Variants in MZT2B observed in about 807,000 individuals in gnomAD.
MZT2B encodes the protein mitotic spindle organizing protein 2B, also known as mitotic-spindle organizing protein 2B.
In MZT2B, 11 loss-of-function variants were observed where a neutral mutation model predicts 12.1. The ratio of observed to expected loss-of-function variants is 0.91; its 90% CI spans 0.57 to 1.50. The LOEUF (loss-of-function observed/expected upper bound fraction) is 1.50, where lower values mean the gene tolerates loss of function less well. Ranked by LOEUF, MZT2B falls within the 40% of genes most tolerant of loss-of-function variation. The pLI, the probability that MZT2B is intolerant of heterozygous loss-of-function variation, is 0.00. For missense variants in MZT2B, 209 were observed against 227.7 expected, an observed-to-expected ratio of 0.92 and a Z score of 0.53; for synonymous variants, 85 against 109.5, an observed-to-expected ratio of 0.78 and a Z score of 1.40.
chr2:130,202,205 T>TA, the MZT2B span: 565 of 876,628 alleles, frequency 6.4e-4, no homozygotes, highest in South Asian at 7.4e-4. Context: ...TATACAGCAC[T>TA]AAAAAAAACA....
the MZT2B span, among the ~76,000 whole-genome samples, chr2:130,195,834 G>A: frequency 6.6e-5 from 10 of 152,266 alleles, no homozygotes; most frequent in Non-Finnish European, 1.2e-4. Context: ...GCATTCGGGA[G>A]GGAACCAATG....
intron 2 of MZT2B, among the ~76,000 whole-genome samples, chr2:130,188,833 GTC>G (rs1011829569): frequency 2.0e-5 from 3 of 151,764 alleles, no homozygotes; most frequent in Non-Finnish European, 2.9e-5. Context: ...AGACACAGGA[GTC>G]TCTGCTTGTT....
At chr2:130,186,494 A>G (rs1474325643) in intron 2 of MZT2B, among the ~76,000 whole-genome samples, 1 of 152,238 alleles carries the variant, frequency 6.6e-6, no homozygotes, top group Admixed American at 6.5e-5. Context: ...TGTCCAGAGC[A>G]TGCATGTAAG....
intron 2 of MZT2B, among the ~76,000 whole-genome samples, chr2:130,185,259 C>T (rs185861467): frequency 5.7e-4 from 84 of 147,202 alleles, no homozygotes; most frequent in Non-Finnish European, 1.0e-3. Context: ...TACAGTGAGC[C>T]GAGATCACAC....
the MZT2B span, among the ~76,000 whole-genome samples, chr2:130,197,387 T>C: frequency 3.2e-3 from 286 of 90,330 alleles, no homozygotes; most frequent in Admixed American, 4.7e-3. Flanking sequence ...CTCGGAAGGC[T>C]GAGGCGGGAG....
chr2:130,194,346 T>G (rs1342194867), downstream of MZT2B: 13 of 1,613,156 alleles, frequency 8.1e-6, no homozygotes, highest in Non-Finnish European at 1.1e-5. Context: ...AACTCTAGCT[T>G]GGACTTCTTG....
At chr2:130,194,376 G>C, downstream of MZT2B, 1 of 1,607,498 alleles carries the variant, frequency 6.2e-7, no homozygotes, top group Non-Finnish European at 8.5e-7. Flanking sequence ...ACTGAGAGCC[G>C]CTCCATGAGC....
chr2:130,193,924 G>C (rs142136975), downstream of MZT2B: 2 of 1,614,246 alleles, frequency 1.2e-6, no homozygotes, highest in South Asian at 2.2e-5. Flanking sequence ...CATGGCGAGG[G>C]TCACACTTGA....
chr2:130,190,668 C>G lies in MZT2B; in HGVS notation c.*42C>G. On this transcript the variant is annotated 3_prime_UTR_variant, in exon 3 of 3. Transcript: ENST00000281871. ...GTTGCATCTTTGTCCCCAGCAAAGG[C>G]TACATGTTACCTCCTTCAATTGATA... 6.4e-7 allele frequency: 1 copy of G among 1,574,254 alleles called. No individual in the cohort carries two copies. Among genetic ancestry groups the G allele is most frequent in the Non-Finnish European group, 8.7e-7 (1 of 1,153,328 alleles).
chr2:130,197,038 C>T, the MZT2B span, among the ~76,000 whole-genome samples: 1 of 152,188 alleles, frequency 6.6e-6, no homozygotes, highest in Non-Finnish European at 1.5e-5. Context: ...ACCTGAATCC[C>T]TCTCAAGGCT....
downstream of MZT2B, among the ~76,000 whole-genome samples, chr2:130,191,194 T>C (rs1690249157): frequency 1.3e-5 from 2 of 152,224 alleles, no homozygotes; most frequent in South Asian, 4.2e-4. Flanking sequence ...CATGGGAGGT[T>C]TTCTACCAAG....
At chr2:130,194,052 G>A (rs76767502), downstream of MZT2B, 227 of 1,614,186 alleles carry the variant, frequency 1.4e-4, no homozygotes, top group South Asian at 2.5e-4. Context: ...AAGTGGATGC[G>A]GGGGTACGGC....
At chr2:130,184,199 C>G in intron 2 of MZT2B, 1 of 1,434,418 alleles carries the variant, frequency 7.0e-7, no homozygotes. Context: ...GACCAACACC[C>G]CCACACCCCA....
chr2:130,184,053 TG>T, intron 2 of MZT2B: 1 of 1,550,234 alleles, frequency 6.5e-7, no homozygotes, highest in Non-Finnish European at 8.7e-7. Context: ...CAAGCAGCTT[TG>T]AGCTCCAAGG....
At chr2:130,194,511 A>G (rs755915711), downstream of MZT2B, 3 of 1,509,822 alleles carry the variant, frequency 2.0e-6, no homozygotes, top group African/African-American at 2.8e-5. Flanking sequence ...TGGAAGCCAC[A>G]CCACCAACCT....
downstream of MZT2B, among the ~76,000 whole-genome samples, chr2:130,192,771 T>G (rs1299479993): frequency 6.6e-6 from 1 of 152,164 alleles, no homozygotes. Context: ...CAGGGTCAAC[T>G]AGAGCAGGGA....
At chr2:130,200,458 G>GGA in the MZT2B span, among the ~76,000 whole-genome samples, 1 of 152,044 alleles carries the variant, frequency 6.6e-6, no homozygotes, top group East Asian at 1.9e-4. Flanking sequence ...ACAAATTCCA[G>GGA]GAACAGGAAG....
intron 2 of MZT2B, among the ~76,000 whole-genome samples, chr2:130,189,812 A>G (rs2443640): frequency 3.3e-5 from 5 of 152,196 alleles, no homozygotes; most frequent in East Asian, 1.9e-4. Context: ...GTCTTCATCC[A>G]AGAGAGCCTC....
At chr2:130,194,618 G>A, downstream of MZT2B, 1 of 1,126,546 alleles carries the variant, frequency 8.9e-7, no homozygotes. Context: ...GCAAAGAAAA[G>A]CAAAGATCTA....
Sources: allele counts gnomAD v4.1 joint callset (sites outside exome capture counted in the v4.1 genomes callset), GRCh38; gene constraint gnomAD v4.1.1; transcripts MANE v1.5; gene names NCBI Gene and HGNC (gene_info 2026-07-23, HGNC 2026-07-21).